The following CREB3L2 variants were observed in gnomAD, a reference collection of about 807,000 sequenced individuals.
CREB3L2 encodes cyclic AMP-responsive element-binding protein 3-like protein 2.
CREB3L2 carries 23 observed loss-of-function variants against 57.2 expected under a neutral mutation model. The observed-to-expected ratio is 0.40, with a 90% CI of 0.29 to 0.57. The LOEUF (loss-of-function observed/expected upper bound fraction) is 0.57. Among genes scored for constraint, CREB3L2 ranks in the 20% least tolerant of loss-of-function variants. The probability of loss-of-function intolerance (pLI) is 0.42; values close to 1 mark genes in which losing one functional copy is unlikely to be tolerated. For synonymous variants in CREB3L2, 268 were observed against 265.1 expected, an observed-to-expected ratio of 1.01 and a Z score of -0.11; for missense variants, 628 against 634.7, an observed-to-expected ratio of 0.99 and a Z score of 0.11.
intron 2 of CREB3L2, among the ~76,000 whole-genome samples, chr7:137,922,258 G>C (rs1800298064): frequency 6.6e-6 from 1 of 150,856 alleles, no homozygotes; most frequent in Admixed American, 6.6e-5. Flanking sequence ...GAAAGGCACA[G>C]ACCACAGATT....
At chr7:137,909,082 A>G (rs1799953461) in intron 4 of CREB3L2, among the ~76,000 whole-genome samples, 1 of 152,216 alleles carries the variant, frequency 6.6e-6, no homozygotes, top group Non-Finnish European at 1.5e-5. Context: ...CCTGGGTGAC[A>G]GAGCGAGAAT....
rs146641366 is a variant in CREB3L2 at position 137,894,640 on chromosome 7, GGAGTAAGTTCTA to G, written c.1043+6702_1043+6713del. ...AGGGAATTCCAGGATCCTAGGTACT[GGAGTAAGTTCTA>G]GAGGGCTAGGGTGAGAGCTCCAGAT... On this transcript the variant is annotated intron_variant, in intron 8 of 11. Transcript: ENST00000330387. Among the ~76,000 whole-genome samples the G allele has an allele frequency of 6.1e-4, 93 of 152,340 alleles. 1 individual carries two copies. In the East Asian group the frequency reaches 0.017, roughly 28 times the overall value.
chr7:137,913,669 T>G (rs1800064503), intron 3 of CREB3L2, among the ~76,000 whole-genome samples: 1 of 152,166 alleles, frequency 6.6e-6, no homozygotes, highest in African/African-American at 2.4e-5. Context: ...GGTACTTTTT[T>G]TTTTGTGGCA....
chr7:137,993,957 T>G (rs184573815), intron 1 of CREB3L2, among the ~76,000 whole-genome samples: 1 of 152,198 alleles, frequency 6.6e-6, no homozygotes, highest in Non-Finnish European at 1.5e-5. Context: ...CCTATACAAT[T>G]TGATTCAAGG....
chr7:137,921,999 C>T (rs1280378467), intron 2 of CREB3L2, among the ~76,000 whole-genome samples: 1 of 151,098 alleles, frequency 6.6e-6, no homozygotes, highest in East Asian at 2.0e-4. Context: ...TGGTCTCAAA[C>T]TCCTGGGCTC....
chr7:137,892,326 T>C (rs1401914932), intron 8 of CREB3L2, among the ~76,000 whole-genome samples: 2 of 150,276 alleles, frequency 1.3e-5, no homozygotes, highest in Non-Finnish European at 2.9e-5. Context: ...GCCTGAGTGT[T>C]ACTTATCTAA....
intron 1 of CREB3L2, among the ~76,000 whole-genome samples, chr7:137,946,856 C>CTA (rs59249493): frequency 0.01 from 321 of 32,004 alleles, 99 homozygotes; most frequent in African/African-American, 0.049. Flanking sequence ...ATATAGTTAT[C>CTA]TATATAGTTA....
Position 137,999,698 on chromosome 7 carries a change from T to C in CREB3L2, c.102+1906A>G, listed in dbSNP as rs963338256. The C allele has an allele frequency of 6.6e-5, 10 of 152,218 alleles. No homozygotes were observed. In the East Asian group the frequency reaches 1.3e-3, roughly 20 times the overall value. The allele number at this position is 152,218 out of a possible 1,614,324, so 9.4% of individuals were successfully genotyped here. On this transcript the variant is annotated intron_variant, in intron 1 of 11. Transcript: ENST00000330387. ...AGAAATATAACCCAATCATTTGTGC[T>C]GCTAAACCAATACCTCTTTCAACAG...
chr7:137,928,486 G>A (rs1800533161), intron 1 of CREB3L2, 120 bp from the exon 2 acceptor site: 6 of 783,296 alleles, frequency 7.7e-6, no homozygotes, highest in Admixed American at 4.3e-5. Context: ...CACACACAAT[G>A]TCCAGTTAGC....
chr7:137,955,090 T>G (rs964385180), intron 1 of CREB3L2, among the ~76,000 whole-genome samples: 1 of 152,210 alleles, frequency 6.6e-6, no homozygotes, highest in Non-Finnish European at 1.5e-5. Flanking sequence ...AAATAATGAA[T>G]GACCATGATA....
chr7:137,905,997 G>A, intron 5 of CREB3L2, 149 bp from the exon 6 acceptor site: 2 of 712,382 alleles, frequency 2.8e-6, no homozygotes. Flanking sequence ...GTGACAGATG[G>A]GTATTTTGAA....
intron 1 of CREB3L2, among the ~76,000 whole-genome samples, chr7:137,994,980 G>A (rs924837069): frequency 9.2e-5 from 14 of 152,180 alleles, no homozygotes; most frequent in Admixed American, 6.5e-4. Context: ...CATGCTGGTT[G>A]AGTCTCCATC....
intron 2 of CREB3L2, among the ~76,000 whole-genome samples, chr7:137,925,487 T>C (rs1283469476): frequency 2.6e-5 from 4 of 152,216 alleles, no homozygotes; most frequent in Admixed American, 6.5e-5. Context: ...TATATAGCTG[T>C]CTATACATGC....
At chr7:137,991,705 G>C (rs934324729) in intron 1 of CREB3L2, among the ~76,000 whole-genome samples, 9 of 151,918 alleles carry the variant, frequency 5.9e-5, no homozygotes, top group Non-Finnish European at 1.0e-4. Context: ...CTAGGAGTTT[G>C]AGACCAGCCT....
intron 1 of CREB3L2, among the ~76,000 whole-genome samples, chr7:137,944,054 T>C (rs35988674): frequency 2.0e-5 from 3 of 152,118 alleles, no homozygotes; most frequent in Non-Finnish European, 4.4e-5. Context: ...CCCACCAATA[T>C]CCAAATGCCC....
chr7:137,942,914 C>T (rs538522626), intron 1 of CREB3L2, among the ~76,000 whole-genome samples: 1 of 152,160 alleles, frequency 6.6e-6, no homozygotes, highest in African/African-American at 2.4e-5. Context: ...AGAAAGTACA[C>T]AAGGTTTGAA....
chr7:137,963,321 T>C (rs1050095794), intron 1 of CREB3L2, among the ~76,000 whole-genome samples: 4 of 152,240 alleles, frequency 2.6e-5, no homozygotes, highest in Non-Finnish European at 5.9e-5. Context: ...AAAGGATCTC[T>C]TTAATAACCA....
At chr7:137,963,552 T>C (rs1801359764) in intron 1 of CREB3L2, among the ~76,000 whole-genome samples, 1 of 152,234 alleles carries the variant, frequency 6.6e-6, no homozygotes, top group Non-Finnish European at 1.5e-5. Context: ...CTCTAGTCAC[T>C]CTCTGGTATC....
intron 6 of CREB3L2, among the ~76,000 whole-genome samples, chr7:137,904,973 C>T (rs1799853752): frequency 6.6e-6 from 1 of 152,080 alleles, no homozygotes; most frequent in Non-Finnish European, 1.5e-5. Context: ...CCTCTGCTGG[C>T]TGAAGTACAT....
Sources: allele counts gnomAD v4.1 joint callset (sites outside exome capture counted in the v4.1 genomes callset), GRCh38; gene constraint gnomAD v4.1.1; transcripts MANE v1.5; gene names NCBI Gene and HGNC (gene_info 2026-07-23, HGNC 2026-07-21).